ATCAY: variants seen among roughly 807,000 people sequenced by gnomAD.
ATCAY encodes caytaxin.
Under a neutral mutation model 47.7 loss-of-function variants are expected in ATCAY, and 22 were observed. The ratio of observed to expected loss-of-function variants is 0.46; its 90% CI spans 0.33 to 0.66. The LOEUF is 0.66. Among genes scored for constraint, ATCAY ranks in the 30% least tolerant of loss-of-function variants. The pLI, the probability that ATCAY is intolerant of heterozygous loss-of-function variation, is 0.02. For missense variants in ATCAY, 452 were observed against 515.0 expected, an observed-to-expected ratio of 0.88 and a Z score of 1.18; for synonymous variants, 216 against 207.6, an observed-to-expected ratio of 1.04 and a Z score of -0.35.
chr19:3,918,167 G>A (rs1000226971), intron 10 of ATCAY, among the ~76,000 whole-genome samples: 5 of 151,934 alleles, frequency 3.3e-5, no homozygotes, highest in Admixed American at 1.3e-4. Context: ...GGAGGATTGT[G>A]TGAGGTCAGG....
rs529401117 is a variant in ATCAY at position 3,924,491 on chromosome 19, G to A, written c.1107-92G>A. ...GCTGGGAGTTCACCCACGCTGGGTG[G>A]GATCATTGTTTTGGATTACATACAT... is the stretch of plus-strand genomic sequence containing the variant. On this transcript the variant is annotated intron_variant, in intron 12 of 12. Transcript: ENST00000450849. 5 of 1,491,840 alleles carry A rather than the reference G, an allele frequency of 3.4e-6. No homozygotes were observed. The African/African-American group carries it at 6.9e-5, about 21-fold the overall frequency. The allele number at this position is 1,491,840 out of a possible 1,614,324, so 92.4% of individuals were successfully genotyped here.
chr19:3,921,767 C>T (rs1028194673), intron 12 of ATCAY, among the ~76,000 whole-genome samples: 1 of 152,014 alleles, frequency 6.6e-6, no homozygotes, highest in African/African-American at 2.4e-5. Context: ...TGTGGTGGCA[C>T]ACACCTGTAG....
At chr19:3,892,201 T>G (rs2145227237) in intron 2 of ATCAY, among the ~76,000 whole-genome samples, 1 of 150,444 alleles carries the variant, frequency 6.6e-6, no homozygotes, top group South Asian at 2.2e-4. Context: ...CTTGTAACTT[T>G]TTAATTTTTT....
At chr19:3,896,267 C>CT (rs71166934) in intron 2 of ATCAY, among the ~76,000 whole-genome samples, 203 of 141,144 alleles carry the variant, frequency 1.4e-3, no homozygotes, top group Admixed American at 1.7e-3. Flanking sequence ...AATCACATCC[C>CT]TTTTTTTTTT....
intron 2 of ATCAY, among the ~76,000 whole-genome samples, chr19:3,891,678 G>C (rs565734316): frequency 2.0e-5 from 3 of 151,716 alleles, no homozygotes; most frequent in Middle Eastern, 3.4e-3. Context: ...GGGCTCAGTG[G>C]AAGCAGGTTG....
rs368626484 is a variant in ATCAY at position 3,917,751 on chromosome 19, G to C, written c.975G>C (p.Glu325Asp). The C allele has an allele frequency of 1.9e-6, 3 of 1,613,392 alleles. No homozygotes were observed. Among genetic ancestry groups the C allele is most frequent in the Non-Finnish European group, 2.5e-6 (3 of 1,179,702 alleles). The change falls in exon 10 of 13, where the codon GAG (glutamate) becomes GAC (aspartate). Residue 325 changes from glutamate to aspartate, a missense_variant. By Grantham distance (45) the Glu-to-Asp change is conservative. Transcript: ENST00000450849. ...QIPDCVLQYE[E>D]ERLKARRESA... is the part of the protein sequence containing the mutation. ...TTTTTCTTTCTTTCAGATACGAAGA[G>C]GAAAGACTGAAGGCCAGGAGGGAGA...
intron 2 of ATCAY, among the ~76,000 whole-genome samples, chr19:3,886,381 A>G (rs1286033539): frequency 6.6e-6 from 1 of 152,120 alleles, no homozygotes; most frequent in Non-Finnish European, 1.5e-5. Flanking sequence ...TCATGAGGTC[A>G]GCAGATGGAA....
chr19:3,921,978 C>G (rs1407548147), intron 12 of ATCAY, among the ~76,000 whole-genome samples: 1 of 152,032 alleles, frequency 6.6e-6, no homozygotes, highest in Non-Finnish European at 1.5e-5. Flanking sequence ...CGGGTGGAAG[C>G]CTGCAAGTGT....
chr19:3,909,454 T>G, intron 6 of ATCAY, 32 bp from the exon 7 acceptor site: 1 of 1,606,608 alleles, frequency 6.2e-7, no homozygotes, highest in Non-Finnish European at 8.5e-7. Context: ...CCCCTCCATG[T>G]TGGGTCCCTG....
chr19:3,919,518 G>C (rs1286818441), intron 11 of ATCAY, among the ~76,000 whole-genome samples: 1 of 151,940 alleles, frequency 6.6e-6, no homozygotes, highest in Non-Finnish European at 1.5e-5. Flanking sequence ...CTTGAACCTG[G>C]GAGGCGGAGG....
At chr19:3,900,567 C>T (rs1026121219) in intron 2 of ATCAY, among the ~76,000 whole-genome samples, 1 of 152,074 alleles carries the variant, frequency 6.6e-6, no homozygotes, top group African/African-American at 2.4e-5. Context: ...GATGGAGTCT[C>T]ACTCTGTCAC....
intron 6 of ATCAY, 101 bp from the exon 7 acceptor site, chr19:3,909,385 C>A (rs1279515974): frequency 2.1e-6 from 3 of 1,435,854 alleles, no homozygotes; most frequent in Non-Finnish European, 2.9e-6. Flanking sequence ...GGGGCTGACC[C>A]AGCCAGCGGC....
intron 2 of ATCAY, among the ~76,000 whole-genome samples, chr19:3,887,745 C>G (rs1019866230): frequency 1.3e-5 from 2 of 150,210 alleles, no homozygotes; most frequent in Non-Finnish European, 3.0e-5. Flanking sequence ...CTCGGCCTCC[C>G]AAAGTGCTGG....
At position 3,905,519 on chromosome 19, in the gene ATCAY, G is replaced by A; in HGVS notation, c.222G>A (p.Gln74=). 6.2e-7 allele frequency: 1 copy of A among 1,614,006 alleles called. No individual in the cohort carries two copies. The highest frequency in any genetic ancestry group is 8.5e-7 in the Non-Finnish European group (1 of 1,179,884). ...VAPEINISLD[Q]SEGSLLSDDF... ...CAGAGATCAACATTTCTCTGGATCA[G>A]AGTGAGGGGTCCCTGCTGTCCGATG... Residue 74 remains glutamine, a synonymous_variant, in exon 4 of 13, where the codon CAG becomes CAA. Coordinates refer to ENST00000450849, the MANE Select transcript of ATCAY (RefSeq NM_033064.5).
At chr19:3,882,753 C>G (rs1235246211) in intron 1 of ATCAY, among the ~76,000 whole-genome samples, 1 of 152,140 alleles carries the variant, frequency 6.6e-6, no homozygotes, top group Non-Finnish European at 1.5e-5. Context: ...AGGCAATCCT[C>G]CCACCTCAGC....
intron 2 of ATCAY, among the ~76,000 whole-genome samples, chr19:3,890,247 A>AT (rs764697276): frequency 0.051 from 1,960 of 38,602 alleles, 486 homozygotes; most frequent in Non-Finnish European, 0.06. Context: ...TCCACCTATA[A>AT]TTTTTTTTTT....
intron 2 of ATCAY, among the ~76,000 whole-genome samples, chr19:3,889,392 G>A (rs542108696): frequency 1.3e-4 from 20 of 152,080 alleles, no homozygotes; most frequent in African/African-American, 4.3e-4. Context: ...CAGCCTGGGC[G>A]ACAGAGTGAG....
chr19:3,924,712 T>G lies in ATCAY; in HGVS notation c.*120T>G. The G allele has an allele frequency of 9.5e-7, 1 of 1,053,170 alleles. No homozygotes were observed. Among genetic ancestry groups the G allele is most frequent in the Admixed American group, 2.3e-5 (1 of 43,152 alleles). The allele number at this position is 1,053,170 out of a possible 1,614,324, so 65.2% of individuals were successfully genotyped here. ...ATCCTGAGTCCCAATCTTCCAAGGG[T>G]GCCAGCCCCTCCGTTCATCTCTGAA... On this transcript the variant is annotated 3_prime_UTR_variant, in exon 13 of 13. Coordinates refer to ENST00000450849, the MANE Select transcript of ATCAY (RefSeq NM_033064.5).
At chr19:3,912,436 G>A (rs1036205998) in intron 8 of ATCAY, among the ~76,000 whole-genome samples, 5 of 152,052 alleles carry the variant, frequency 3.3e-5, no homozygotes, top group South Asian at 2.1e-4. Flanking sequence ...TCAGCCTCCC[G>A]AGCAGCTGGG....
Sources: allele counts gnomAD v4.1 joint callset (sites outside exome capture counted in the v4.1 genomes callset), GRCh38; gene constraint gnomAD v4.1.1; transcripts MANE v1.5; gene names NCBI Gene and HGNC (gene_info 2026-07-23, HGNC 2026-07-21).